SNX10: variants seen among roughly 807,000 people sequenced by gnomAD.
SNX10 encodes the protein sorting nexin-10.
In SNX10, 25 loss-of-function variants were observed where a neutral mutation model predicts 28.5. That is an observed-to-expected ratio of 0.88 (90% CI 0.64 to 1.22). The LOEUF (loss-of-function observed/expected upper bound fraction) is 1.22, where lower values mean the gene tolerates loss of function less well. Among genes scored for constraint, SNX10 ranks in the 50% most tolerant of loss-of-function variants. The pLI is 0.00. For synonymous variants in SNX10, 62 were observed against 81.4 expected (o/e 0.76, Z 1.28); for missense variants, 223 against 242.6 (o/e 0.92, Z 0.54).
chr7:26,295,170 AAT>A (rs1786062552), intron 1 of SNX10, among the ~76,000 whole-genome samples: 1 of 152,140 alleles, frequency 6.6e-6, no homozygotes, highest in Admixed American at 6.5e-5. Flanking sequence ...GGGACAGGGA[AAT>A]AGTCTTTATC....
intron 1 of SNX10, among the ~76,000 whole-genome samples, chr7:26,325,817 T>C (rs1787484405): frequency 1.3e-5 from 2 of 151,598 alleles, no homozygotes; most frequent in African/African-American, 4.9e-5. Context: ...AACCTCTACC[T>C]CCTGGGTTCC....
At chr7:26,341,027 G>A (rs940824081) in intron 1 of SNX10, among the ~76,000 whole-genome samples, 1 of 152,284 alleles carries the variant, frequency 6.6e-6, no homozygotes, top group Admixed American at 6.5e-5. Context: ...GGCTGGGTGC[G>A]ATGACTCACA....
At chr7:26,347,862 C>CA (rs1788449254) in intron 2 of SNX10, among the ~76,000 whole-genome samples, 1 of 151,848 alleles carries the variant, frequency 6.6e-6, no homozygotes, top group Non-Finnish European at 1.5e-5. Context: ...AAAAAACCCA[C>CA]AAAAAACAAA....
chr7:26,298,230 G>A (rs925456226), intron 1 of SNX10, among the ~76,000 whole-genome samples: 42 of 152,234 alleles, frequency 2.8e-4, no homozygotes, highest in African/African-American at 1.0e-3. Flanking sequence ...CAAAAAAAAG[G>A]GCAGATGACA....
intron 2 of SNX10, chr7:26,354,266 G>A (rs1354310763): frequency 6.6e-6 from 1 of 152,144 alleles, no homozygotes; most frequent in Admixed American, 6.5e-5. Context: ...GTGCTTGTTT[G>A]CCATCTGTAT....
At chr7:26,311,300 C>A (rs1314846679) in intron 1 of SNX10, among the ~76,000 whole-genome samples, 1 of 152,206 alleles carries the variant, frequency 6.6e-6, no homozygotes, top group Non-Finnish European at 1.5e-5. Context: ...CAGGCTTGCG[C>A]CACTAGGCCT....
intron 1 of SNX10, among the ~76,000 whole-genome samples, chr7:26,333,417 C>T (rs113969395): frequency 1.6e-4 from 24 of 151,176 alleles, no homozygotes; most frequent in African/African-American, 5.1e-4. Flanking sequence ...CTCCACCTCC[C>T]GGGTTCACAC....
intron 1 of SNX10, among the ~76,000 whole-genome samples, chr7:26,316,138 C>T (rs1171512343): frequency 6.7e-6 from 1 of 149,672 alleles, no homozygotes; most frequent in East Asian, 2.0e-4. Context: ...GAGCCGAGAT[C>T]GCACCACTGC....
chr7:26,365,091 A>ACCTGTTTTT lies in SNX10; in HGVS notation c.258_259insCTGTTTTTC (p.Asn86_Asn87insLeuPhePhe). ...TCTAAAAACCTGTTTTTCAACATGA[A>ACCTGTTTTT]CAATCGCCAGCACGTGGATCAGCGT... On this transcript the variant is annotated inframe_insertion, in exon 5 of 7. Coordinates refer to ENST00000338523, the MANE Select transcript of SNX10 (RefSeq NM_013322.3). The ACCTGTTTTT allele has an allele frequency of 6.2e-7, 1 of 1,613,478 alleles. No individual in the cohort carries two copies. The highest frequency in any genetic ancestry group is 8.5e-7 in the Non-Finnish European group (1 of 1,179,410).
intron 1 of SNX10, among the ~76,000 whole-genome samples, chr7:26,296,118 G>A (rs1292396879): frequency 6.6e-6 from 1 of 151,976 alleles, no homozygotes; most frequent in African/African-American, 2.4e-5. Context: ...CTGCACAACA[G>A]AATTAGACTC....
intron 1 of SNX10, among the ~76,000 whole-genome samples, chr7:26,292,893 C>CT (rs1267010888): frequency 6.6e-6 from 1 of 152,226 alleles, no homozygotes. Flanking sequence ...GGAGCAGAAC[C>CT]AGGCCTACAA....
intron 1 of SNX10, among the ~76,000 whole-genome samples, chr7:26,330,606 G>A (rs1255410775): frequency 6.6e-6 from 1 of 152,176 alleles, no homozygotes; most frequent in African/African-American, 2.4e-5. Context: ...AGGAAGGACG[G>A]AGTCAGATCC....
intron 1 of SNX10, among the ~76,000 whole-genome samples, chr7:26,328,933 A>G (rs1428649839): frequency 3.9e-5 from 6 of 152,090 alleles, no homozygotes; most frequent in South Asian, 4.1e-4. Context: ...AAACACGCCA[A>G]TACCTCCTTC....
intron 1 of SNX10, 81 bp downstream of exon 1, chr7:26,292,167 G>A (rs1321241702): frequency 2.0e-5 from 3 of 152,346 alleles, no homozygotes; most frequent in African/African-American, 7.2e-5. Context: ...CAGAGGCGCG[G>A]GCCCTTCCCG....
chr7:26,323,351 G>A (rs536828937), intron 1 of SNX10, among the ~76,000 whole-genome samples: 1 of 152,220 alleles, frequency 6.6e-6, no homozygotes, highest in East Asian at 1.9e-4. Flanking sequence ...AGATGACTTT[G>A]GAAACATGAG....
intron 2 of SNX10, among the ~76,000 whole-genome samples, chr7:26,349,354 T>TC (rs1788507239): frequency 6.6e-6 from 1 of 152,004 alleles, no homozygotes; most frequent in Non-Finnish European, 1.5e-5. Flanking sequence ...TTTTTTTTTT[T>TC]TTTTTACATT....
At chr7:26,304,937 G>A (rs748510010) in intron 1 of SNX10, among the ~76,000 whole-genome samples, 62 of 152,226 alleles carry the variant, frequency 4.1e-4, no homozygotes, top group Non-Finnish European at 8.2e-4. Flanking sequence ...TCCAAAGCCC[G>A]GCCCAGGGAA....
chr7:26,300,856 TAA>T (rs1786307302), intron 1 of SNX10, among the ~76,000 whole-genome samples: 1 of 151,730 alleles, frequency 6.6e-6, no homozygotes, highest in African/African-American at 2.4e-5. Context: ...CCATCTCTAC[TAA>T]AAATACAAAA....
At chr7:26,371,663 T>C (rs1278702073) in intron 5 of SNX10, among the ~76,000 whole-genome samples, 158 bp from the exon 6 acceptor site, 1 of 152,204 alleles carries the variant, frequency 6.6e-6, no homozygotes, top group Non-Finnish European at 1.5e-5. Flanking sequence ...AGTTAACATA[T>C]GCTTTCCTCC....
Sources: allele counts gnomAD v4.1 joint callset (sites outside exome capture counted in the v4.1 genomes callset), GRCh38; gene constraint gnomAD v4.1.1; transcripts MANE v1.5; gene names NCBI Gene and HGNC (gene_info 2026-07-23, HGNC 2026-07-21).